Variants in MAD1L1 observed in about 807,000 individuals in gnomAD.
The protein encoded by MAD1L1 is mitotic arrest deficient 1 like 1.
Under a neutral mutation model 96.9 loss-of-function variants are expected in MAD1L1, and 95 were observed. That is an observed-to-expected ratio of 0.98 (90% CI 0.83 to 1.16). The LOEUF is 1.16. Among genes scored for constraint, MAD1L1 ranks in the 50% most tolerant of loss-of-function variants. MAD1L1 has a pLI of 0.00. For missense variants in MAD1L1, 1,007 were observed against 954.4 expected (o/e 1.06, Z -0.73); for synonymous variants, 473 against 396.6 (o/e 1.19, Z -2.29).
chr7:2,037,708 G>C (rs940324983), intron 12 of MAD1L1, among the ~76,000 whole-genome samples: 1 of 152,116 alleles, frequency 6.6e-6, no homozygotes, highest in Non-Finnish European at 1.5e-5. Flanking sequence ...ATGCTCCTCA[G>C]ACGGCAAAAG....
At chr7:2,040,448 G>A (rs1032810100) in intron 12 of MAD1L1, among the ~76,000 whole-genome samples, 5 of 152,086 alleles carry the variant, frequency 3.3e-5, no homozygotes, top group African/African-American at 7.2e-5. Flanking sequence ...TTATTCCATC[G>A]TATTCTCTCT....
chr7:2,216,026 A>G lies in MAD1L1; in HGVS notation c.810-27T>C, dbSNP rs751611628. On this transcript the variant is annotated intron_variant, in intron 8 of 18. Coordinates refer to ENST00000265854, the MANE Select transcript of MAD1L1 (RefSeq NM_001013836.2). ...TGGCAGTGCCACAAAGAGTCGCTCAAATAGCCACACACCCTAGGGATAAGG... is the reference window on the plus strand; with the variant it reads ...TGGCAGTGCCACAAAGAGTCGCTCAGATAGCCACACACCCTAGGGATAAGG... 3.7e-6 allele frequency: 6 copies of G among 1,613,002 alleles called. No individual in the cohort carries two copies. In the East Asian group the frequency reaches 1.3e-4, roughly 36 times the overall value.
At chr7:1,918,198 C>A (rs115262345) in intron 17 of MAD1L1, among the ~76,000 whole-genome samples, 2,364 of 152,232 alleles carry the variant, frequency 0.016, 56 homozygotes, top group African/African-American at 0.055. Context: ...AGGATGGAGC[C>A]CAGAAGCCCC....
At chr7:1,830,746 T>C (rs1040416863) in intron 18 of MAD1L1, among the ~76,000 whole-genome samples, 3 of 152,026 alleles carry the variant, frequency 2.0e-5, no homozygotes, top group African/African-American at 7.3e-5. Flanking sequence ...TAACACAACC[T>C]GTAAAAAATA....
At chr7:2,166,166 G>A (rs902208839) in intron 10 of MAD1L1, among the ~76,000 whole-genome samples, 2 of 152,126 alleles carry the variant, frequency 1.3e-5, no homozygotes, top group African/African-American at 2.4e-5. Flanking sequence ...AGGGGATCCC[G>A]CCGCAGCCCT....
intron 18 of MAD1L1, among the ~76,000 whole-genome samples, chr7:1,868,136 T>G (rs1307148747): frequency 6.6e-6 from 1 of 152,030 alleles, no homozygotes; most frequent in African/African-American, 2.4e-5. Context: ...CCCAGCGAGG[T>G]GCACTGTGGC....
rs145802372 is a variant in MAD1L1, at chr7:2,220,988, A to G, written c.472-1532T>C. ...AGTTGGCAAGGAAGAGGCGCATAAG[A>G]TAATTCCAGAGTAAGGAGCGTGACA... On this transcript the variant is annotated intron_variant, in intron 5 of 18. Coordinates refer to ENST00000265854, the MANE Select transcript of MAD1L1 (RefSeq NM_001013836.2). The G allele has an allele frequency of 4.0e-5, 64 of 1,612,514 alleles. No homozygotes were observed. The East Asian group carries it at 1.4e-3, about 34-fold the overall frequency.
intron 12 of MAD1L1, among the ~76,000 whole-genome samples, chr7:2,031,460 A>C (rs971192053): frequency 6.6e-6 from 1 of 152,198 alleles, no homozygotes; most frequent in African/African-American, 2.4e-5. Flanking sequence ...AGTGGAATCA[A>C]TTATGATTTC....
chr7:1,897,092 G>A (rs903571029), intron 18 of MAD1L1, among the ~76,000 whole-genome samples: 10 of 151,330 alleles, frequency 6.6e-5, no homozygotes, highest in African/African-American at 1.2e-4. Flanking sequence ...GAGCAAGCCC[G>A]GCACGGTGCC....
chr7:1,878,946 C>T (rs992180546), intron 18 of MAD1L1, among the ~76,000 whole-genome samples: 2 of 151,780 alleles, frequency 1.3e-5, no homozygotes, highest in Non-Finnish European at 2.9e-5. Flanking sequence ...GAATACGAGA[C>T]CAATATATAA....
At chr7:1,965,445 C>T (rs1048654678) in intron 15 of MAD1L1, among the ~76,000 whole-genome samples, 3 of 152,196 alleles carry the variant, frequency 2.0e-5, no homozygotes, top group Admixed American at 6.5e-5. Context: ...TAGGGAACAT[C>T]GTGGCTCTTC....
At chr7:1,980,202 A>G (rs1227110122) in intron 15 of MAD1L1, among the ~76,000 whole-genome samples, 2 of 152,056 alleles carry the variant, frequency 1.3e-5, no homozygotes, top group South Asian at 2.1e-4. Context: ...CCGCTGGGGG[A>G]CACGCCTGAG....
chr7:2,002,111 G>A lies in MAD1L1; in HGVS notation c.1370C>T (p.Ser457Leu), dbSNP rs759095160. The A allele has an allele frequency of 5.3e-5, 85 of 1,612,988 alleles. No individual in the cohort carries two copies. Among genetic ancestry groups the A allele is most frequent in the Non-Finnish European group, 6.8e-5 (80 of 1,180,010 alleles). The change falls in exon 14 of 19, where the codon TCG becomes TTG. Residue 457 changes from serine (S) to leucine (L), a missense_variant. By Grantham distance (145) the Ser-to-Leu change is moderately radical. Coordinates refer to ENST00000265854, the MANE Select transcript of MAD1L1 (RefSeq NM_001013836.2). Reference sequence around the variant, plus strand: ...GCCTCCCAGCTCCTCCAGGGCCTGCGACAGCTGAGCCTGCAAGACAAGACA... The same window carrying A: ...GCCTCCCAGCTCCTCCAGGGCCTGCAACAGCTGAGCCTGCAAGACAAGACA... The part of the protein sequence containing the change: ...SHSAEMEAQL[S>L]QALEELGGQK...
chr7:2,025,713 T>C (rs1476965451), intron 12 of MAD1L1, among the ~76,000 whole-genome samples: 2 of 152,196 alleles, frequency 1.3e-5, no homozygotes, highest in African/African-American at 4.8e-5. Context: ...TTTATAGCAA[T>C]AGCCTACGAA....
intron 12 of MAD1L1, among the ~76,000 whole-genome samples, chr7:2,017,138 G>A (rs185586481): frequency 7.2e-5 from 11 of 152,342 alleles, no homozygotes; most frequent in African/African-American, 2.2e-4. Context: ...TTTTGTCACC[G>A]GTAGTGAAAC....
At chr7:2,039,151 C>T (rs948840537) in intron 12 of MAD1L1, among the ~76,000 whole-genome samples, 2 of 152,200 alleles carry the variant, frequency 1.3e-5, no homozygotes, top group Non-Finnish European at 2.9e-5. Flanking sequence ...CTGGGCTCTT[C>T]GCTCCGCTAA....
At chr7:1,975,947 G>A (rs1271381200) in intron 15 of MAD1L1, among the ~76,000 whole-genome samples, 1 of 152,198 alleles carries the variant, frequency 6.6e-6, no homozygotes, top group African/African-American at 2.4e-5. Flanking sequence ...GCAACATTTA[G>A]GATTTGCTAG....
intron 17 of MAD1L1, among the ~76,000 whole-genome samples, chr7:1,900,528 C>G (rs910703131): frequency 6.6e-6 from 1 of 152,176 alleles, no homozygotes; most frequent in Non-Finnish European, 1.5e-5. Flanking sequence ...CTTGATGAAT[C>G]GAGCAATCAG....
rs540978079 is a variant in MAD1L1 at position 1,938,225 on chromosome 7, T to C, written c.1597-1328A>G. ...CCACGGCAGGGAGCTGCAGGGTTAC[T>C]GCGCACCCGAGACCCCGACCTCACG... On this transcript the variant is annotated intron_variant, in intron 16 of 18. Coordinates refer to ENST00000265854, the MANE Select transcript of MAD1L1 (RefSeq NM_001013836.2). 6.7e-4 allele frequency among the ~76,000 whole-genome samples: 95 copies of C among 141,540 alleles called. 2 individuals carry two copies. The Middle Eastern group carries it at 0.012, about 17-fold the overall frequency. 92.9% of individuals were successfully genotyped at this position (141,540 alleles called of 152,430 possible).
Sources: gnomAD v4.1 joint callset for allele counts (sites outside exome capture counted in the v4.1 genomes callset) on GRCh38, gnomAD v4.1.1 for gene constraint, MANE v1.5 for transcripts, NCBI Gene and HGNC (gene_info 2026-07-23, HGNC 2026-07-21) for gene names.